CCDC83: variants seen among roughly 807,000 people sequenced by gnomAD.
CCDC83 encodes the protein coiled-coil domain containing 83, also known as coiled-coil domain-containing protein 83.
Under a neutral mutation model 50.1 loss-of-function variants are expected in CCDC83, and 54 were observed. That is an observed-to-expected ratio of 1.08 (90% CI 0.87 to 1.35). The LOEUF (loss-of-function observed/expected upper bound fraction) is 1.35. Ranked by LOEUF, CCDC83 falls within the 40% of genes most tolerant of loss-of-function variation. The pLI, the probability that CCDC83 is intolerant of heterozygous loss-of-function variation, is 0.00. For synonymous variants in CCDC83, 161 were observed against 153.3 expected (o/e 1.05, Z -0.37); for missense variants, 518 against 473.9 (o/e 1.09, Z -0.86).
chr11:85,882,589 G>T lies in CCDC83; in HGVS notation c.257G>T (p.Gly86Val). ...GAACTGAGTGAAGAGAAGGCAGAGG[G>T]ATTGCCAGTTGTAACAAGAGAGGAT... ...LKELSEEKAE[G>V]LPVVTREDVE... The change falls in exon 4 of 11, where the codon GGA becomes GTA. Residue 86 changes from glycine to valine, a missense_variant. Transcript: ENST00000342404. The T allele has an allele frequency of 6.2e-7, 1 of 1,613,890 alleles. No individual in the cohort carries two copies. The highest frequency in any genetic ancestry group is 8.5e-7 in the Non-Finnish European group (1 of 1,179,784).
intron 3 of CCDC83, among the ~76,000 whole-genome samples, chr11:85,876,311 A>ATCTATAT (rs2093268791): frequency 6.6e-6 from 1 of 152,184 alleles, no homozygotes; most frequent in Admixed American, 6.5e-5. Flanking sequence ...ATTTCATAAT[A>ATCTATAT]TTGTACACCA....
chr11:85,911,463 G>T, intron 8 of CCDC83, 61 bp downstream of exon 8: 1 of 1,415,646 alleles, frequency 7.1e-7, no homozygotes, highest in Non-Finnish European at 9.4e-7. Flanking sequence ...GTAAAAAGTT[G>T]TTTTTTTAAA....
intron 8 of CCDC83, 108 bp downstream of exon 8, chr11:85,911,510 A>T: frequency 1.1e-6 from 1 of 931,164 alleles, no homozygotes; most frequent in South Asian, 2.2e-5. Flanking sequence ...GTGCTCCAGC[A>T]GTAGTCAAAA....
intron 3 of CCDC83, among the ~76,000 whole-genome samples, chr11:85,879,805 G>C (rs774264391): frequency 1.3e-5 from 2 of 152,102 alleles, no homozygotes; most frequent in African/African-American, 4.8e-5. Flanking sequence ...TTTTAATAGA[G>C]ATGTGGTTTC....
chr11:85,873,274 G>T lies in CCDC83; in HGVS notation c.159G>T (p.Lys53Asn), dbSNP rs527549546. Residue 53 changes from lysine to asparagine, a missense_variant, in exon 3 of 11, where the codon AAG (lysine) becomes AAT (asparagine). Coordinates refer to ENST00000342404, the MANE Select transcript of CCDC83 (RefSeq NM_001286159.2). ...TTCAAATAAAGACACTTAGGAAAAA[G>T]AACCAAAAATATCATGAAAGAGTGA... is the stretch of plus-strand genomic sequence containing the variant. ...FMFQIKTLRKKNQKYHERNSR... is the reference protein window; with the variant it reads ...FMFQIKTLRKNNQKYHERNSR... The T allele has an allele frequency of 4.0e-6, 6 of 1,515,912 alleles. No homozygotes were observed. In the East Asian group the frequency reaches 1.4e-4, roughly 36 times the overall value. The allele number at this position is 1,515,912 out of a possible 1,614,324, so 93.9% of individuals were successfully genotyped here.
At chr11:85,914,772 A>T (rs2093469920) in intron 8 of CCDC83, among the ~76,000 whole-genome samples, 1 of 152,164 alleles carries the variant, frequency 6.6e-6, no homozygotes, top group Non-Finnish European at 1.5e-5. Flanking sequence ...TCATGCTGCT[A>T]TAAAAAACTG....
At chr11:85,886,390 C>A in intron 5 of CCDC83, 23 bp downstream of exon 5, 6 of 1,553,640 alleles carry the variant, frequency 3.9e-6, no homozygotes, top group South Asian at 2.5e-5. Context: ...AAAACTAGTT[C>A]AAGTTCAGTA....
intron 10 of CCDC83, 93 bp from the exon 11 acceptor site, chr11:85,919,256 T>C (rs2093497301): frequency 8.3e-7 from 1 of 1,207,144 alleles, no homozygotes; most frequent in Non-Finnish European, 1.2e-6. Context: ...GTCTGTCAGA[T>C]AAAGGCCAAC....
chr11:85,908,434 A>G (rs1370938515), intron 7 of CCDC83, among the ~76,000 whole-genome samples: 2 of 152,024 alleles, frequency 1.3e-5, no homozygotes, highest in East Asian at 3.9e-4. Context: ...GCGCCCGTGG[A>G]AGGCACCCGT....
intron 6 of CCDC83, among the ~76,000 whole-genome samples, chr11:85,895,964 C>T (rs1404869132): frequency 2.0e-5 from 3 of 152,108 alleles, no homozygotes; most frequent in African/African-American, 7.2e-5. Flanking sequence ...CAGGCATGTG[C>T]CACCACTCTT....
chr11:85,869,762 G>A (rs570459959), intron 2 of CCDC83, among the ~76,000 whole-genome samples: 5 of 152,204 alleles, frequency 3.3e-5, no homozygotes, highest in African/African-American at 9.6e-5. Flanking sequence ...AAGGAAAAAA[G>A]TGTATAAGGA....
rs1189313388 is a variant in CCDC83 at position 85,916,161 on chromosome 11, G to A, written c.1008G>A (p.Glu336=). The change falls in exon 10 of 11, where the codon GAG becomes GAA. Residue 336 remains glutamate, a synonymous_variant. Coordinates refer to ENST00000342404, the MANE Select transcript of CCDC83 (RefSeq NM_001286159.2). ...TCCAGTATGTGAAGATAGATAAAGA[G>A]GAAAACTCAGGCACAGAGTTTGGGG... The part of the protein sequence containing the change: ...EDLQYVKIDK[E]ENSGTEFGDT... 2 of 1,613,152 alleles carry A rather than the reference G, an allele frequency of 1.2e-6. No homozygotes were observed. Among genetic ancestry groups the A allele is most frequent in the East Asian group, 4.5e-5 (2 of 44,800 alleles).
At chr11:85,859,284 A>G (rs1052970134) in intron 1 of CCDC83, among the ~76,000 whole-genome samples, 1 of 152,044 alleles carries the variant, frequency 6.6e-6, no homozygotes, top group South Asian at 2.1e-4. Flanking sequence ...ATGGAAAAAC[A>G]TTCAATGTCA....
intron 7 of CCDC83, among the ~76,000 whole-genome samples, chr11:85,901,865 C>CA (rs2093403958): frequency 7.5e-6 from 1 of 133,162 alleles, no homozygotes; most frequent in African/African-American, 3.0e-5. Context: ...CCCGGCTCTA[C>CA]AAAAAATAAA....
chr11:85,858,069 C>A (rs932804275), intron 1 of CCDC83, among the ~76,000 whole-genome samples: 1 of 152,206 alleles, frequency 6.6e-6, no homozygotes, highest in African/African-American at 2.4e-5. Context: ...CTGGTATCAG[C>A]TGAAGAATGC....
chr11:85,872,853 T>C (rs934294620), intron 2 of CCDC83, among the ~76,000 whole-genome samples: 13 of 152,222 alleles, frequency 8.5e-5, no homozygotes, highest in Middle Eastern at 3.2e-3. Flanking sequence ...CTTAGATTTG[T>C]TCGTCGTTTT....
Position 85,911,391 on chromosome 11 carries a change from C to T in CCDC83, c.783C>T (p.Leu261=). 1 of 1,593,418 alleles carries T rather than the reference C, an allele frequency of 6.3e-7. No individual in the cohort carries two copies. Among genetic ancestry groups the T allele is most frequent in the Non-Finnish European group, 8.5e-7 (1 of 1,171,734 alleles). The change falls in exon 8 of 11, where the codon CTC becomes CTT. Residue 261 remains leucine (L), a synonymous_variant. Transcript: ENST00000342404. ...DQLSNCRLVD[L]KIPRRLYLTQ... is the part of the protein sequence containing the mutation. Reference sequence around the variant, plus strand: ...TATCCAACTGTAGACTTGTGGATCTCAAGATACCCAGGTGAAAATTGTTAA... The same window carrying T: ...TATCCAACTGTAGACTTGTGGATCTTAAGATACCCAGGTGAAAATTGTTAA...
rs562531249 is a variant in CCDC83, at chr11:85,900,621, A to C, written c.672+1606A>C. Among the ~76,000 whole-genome samples the C allele has an allele frequency of 2.0e-5, 3 of 152,350 alleles. No homozygotes were observed. In the East Asian group the frequency reaches 5.8e-4, roughly 29 times the overall value. On this transcript the variant is annotated intron_variant, in intron 7 of 10. Coordinates refer to ENST00000342404, the MANE Select transcript of CCDC83 (RefSeq NM_001286159.2). ...CTTAAATATAAATAGACATCCAAGG[A>C]CCACCAGGCATTTGAGTACATTTGG...
At chr11:85,858,002 T>C (rs1429027670) in intron 1 of CCDC83, among the ~76,000 whole-genome samples, 1 of 152,188 alleles carries the variant, frequency 6.6e-6, no homozygotes, top group Non-Finnish European at 1.5e-5. Flanking sequence ...TGGAGATTGA[T>C]GTCAAGTGGC....
Sources: gnomAD v4.1 joint callset for allele counts (sites outside exome capture counted in the v4.1 genomes callset) on GRCh38, gnomAD v4.1.1 for gene constraint, MANE v1.5 for transcripts, NCBI Gene and HGNC (gene_info 2026-07-23, HGNC 2026-07-21) for gene names.